OTULINL: variants seen among roughly 807,000 people sequenced by gnomAD.
OTULINL encodes the protein OTU deubiquitinase with linear linkage specificity like, also known as inactive ubiquitin thioesterase OTULINL.
Under a neutral mutation model 43.9 loss-of-function variants are expected in OTULINL, and 42 were observed. The observed-to-expected ratio is 0.96, with a 90% confidence interval of 0.75 to 1.24. OTULINL has a LOEUF of 1.24. Among genes scored for constraint, OTULINL ranks in the 50% most tolerant of loss-of-function variants. The probability of loss-of-function intolerance (pLI) is 0.00; values close to 1 mark genes in which losing one functional copy is unlikely to be tolerated. For synonymous variants in OTULINL, 172 were observed against 153.6 expected (o/e 1.12, Z -0.88); for missense variants, 411 against 426.4 (o/e 0.96, Z 0.32).
At chr5:14,586,053 C>T (rs1759097394) in intron 1 of OTULINL, among the ~76,000 whole-genome samples, 1 of 152,222 alleles carries the variant, frequency 6.6e-6, no homozygotes, top group African/African-American at 2.4e-5. Context: ...GTTCCCCATA[C>T]ATGGCTATTA....
At chr5:14,593,846 G>A (rs1759244541) in intron 1 of OTULINL, among the ~76,000 whole-genome samples, 3 of 152,202 alleles carry the variant, frequency 2.0e-5, no homozygotes, top group Non-Finnish European at 4.4e-5. Flanking sequence ...CTTGGGGGCA[G>A]TGTGCCCCAT....
intron 1 of OTULINL, among the ~76,000 whole-genome samples, chr5:14,593,008 T>C (rs970308922): frequency 1.3e-5 from 2 of 152,320 alleles, no homozygotes; most frequent in African/African-American, 4.8e-5. Flanking sequence ...CCTGCATTCC[T>C]TTCCTCTGGA....
chr5:14,596,453 A>T (rs968118464), intron 1 of OTULINL, among the ~76,000 whole-genome samples: 5 of 152,318 alleles, frequency 3.3e-5, no homozygotes, highest in Admixed American at 3.3e-4. Flanking sequence ...AACTGTCATT[A>T]TGACACTGTT....
rs200034784 is a variant in OTULINL at position 14,611,705 on chromosome 5, GTTT to G, written c.*1399_*1401del. The G allele has an allele frequency of 6.7e-6, 1 of 148,400 alleles. No individual in the cohort carries two copies. Among genetic ancestry groups the G allele is most frequent in the South Asian group, 2.1e-4 (1 of 4,682 alleles). The allele number at this position is 148,400 out of a possible 1,614,324, so 9.2% of individuals were successfully genotyped here. ...AATACTTTTCTAGTTTAATTTGATA[GTTT>G]TTTTTTTGGAGGTACTTTGCTAGTC... On this transcript the variant is annotated 3_prime_UTR_variant, in exon 8 of 8. Coordinates refer to ENST00000274217, the MANE Select transcript of OTULINL (RefSeq NM_019018.3).
At chr5:14,590,708 T>C (rs1313721142) in intron 1 of OTULINL, among the ~76,000 whole-genome samples, 1 of 152,204 alleles carries the variant, frequency 6.6e-6, no homozygotes, top group East Asian at 1.9e-4. Context: ...GGTTGAGTTG[T>C]GGCTTTATAA....
intron 2 of OTULINL, 44 bp downstream of exon 2, chr5:14,601,168 A>G (rs1251802329): frequency 3.1e-6 from 5 of 1,612,158 alleles, no homozygotes; most frequent in Middle Eastern, 1.6e-4. Flanking sequence ...TATCTTTACT[A>G]TTCAAAGCAG....
rs1759504590 is a variant in OTULINL at position 14,607,564 on chromosome 5, A to G, written c.627+106A>G. 1.0e-5 allele frequency: 14 copies of G among 1,379,440 alleles called. No homozygotes were observed. In the South Asian group the frequency reaches 1.8e-4, roughly 17 times the overall value. The allele number at this position is 1,379,440 out of a possible 1,614,324, so 85.5% of individuals were successfully genotyped here. ...GACATTGCTTCATGTTAGGAAAGTA[A>G]GAAGTGCAAGCAGAAATGCTTCTAG... On this transcript the variant is annotated intron_variant, in intron 6 of 7. Coordinates refer to ENST00000274217, the MANE Select transcript of OTULINL (RefSeq NM_019018.3).
At chr5:14,602,773 T>C (rs932757824) in intron 5 of OTULINL, among the ~76,000 whole-genome samples, 3 of 152,190 alleles carry the variant, frequency 2.0e-5, no homozygotes, top group African/African-American at 7.2e-5. Flanking sequence ...CAGTCCTCTG[T>C]CTCTCATGTC....
intron 1 of OTULINL, among the ~76,000 whole-genome samples, chr5:14,591,923 T>A (rs1045979832): frequency 1.3e-5 from 2 of 152,164 alleles, no homozygotes; most frequent in East Asian, 1.9e-4. Context: ...GAATACCACT[T>A]CCTGACATGT....
rs751669584 is a variant in OTULINL, at chr5:14,608,819, C to T, written c.699C>T (p.Ala233=). Reference sequence around the variant, plus strand: ...TGTGCAACACCCTTTTTTCAGATGCCATTCTGGAATATAAACTTTATGAAG... The same window carrying T: ...TGTGCAACACCCTTTTTTCAGATGCTATTCTGGAATATAAACTTTATGAAG... ...GSMCNTLFSD[A]ILEYKLYEAL... Residue 233 remains alanine, a synonymous_variant, in exon 7 of 8, where the codon GCC becomes GCT. Transcript: ENST00000274217. 5.0e-6 allele frequency: 8 copies of T among 1,613,096 alleles called. No individual in the cohort carries two copies. Among genetic ancestry groups the T allele is most frequent in the Non-Finnish European group, 6.8e-6 (8 of 1,179,382 alleles).
chr5:14,603,563 T>C (rs1759424522), intron 5 of OTULINL, among the ~76,000 whole-genome samples: 1 of 152,238 alleles, frequency 6.6e-6, no homozygotes, highest in Admixed American at 6.5e-5. Context: ...TTAGTGTGCA[T>C]TCCCCAATGA....
At chr5:14,590,169 A>G (rs944836226) in intron 1 of OTULINL, among the ~76,000 whole-genome samples, 3 of 152,210 alleles carry the variant, frequency 2.0e-5, no homozygotes, top group Non-Finnish European at 4.4e-5. Context: ...AACTTTGGAA[A>G]TTGATTGGCA....
intron 1 of OTULINL, among the ~76,000 whole-genome samples, chr5:14,597,240 T>C (rs1330539008): frequency 6.6e-6 from 1 of 152,198 alleles, no homozygotes; most frequent in Non-Finnish European, 1.5e-5. Context: ...TTACTTTCAG[T>C]CTCACAGCAG....
rs932679505 is a variant in OTULINL at position 14,581,805 on chromosome 5, G to T, written c.-90G>T. Reference sequence around the variant, plus strand: ...CCTCCCCAGCCCGCCTCAGGGAAGCGAGCCCGGGCGCCGGCGGGCGGCCGT... The same window carrying T: ...CCTCCCCAGCCCGCCTCAGGGAAGCTAGCCCGGGCGCCGGCGGGCGGCCGT... On this transcript the variant is annotated 5_prime_UTR_variant, in exon 1 of 8. Transcript: ENST00000274217. 2.7e-6 allele frequency: 3 copies of T among 1,100,666 alleles called. No homozygotes were observed. Among genetic ancestry groups the T allele is most frequent in the East Asian group, 7.0e-5 (2 of 28,522 alleles). 68.2% of individuals were successfully genotyped at this position (1,100,666 alleles called of 1,614,324 possible). A position where few individuals can be genotyped will look rare whatever the true frequency, so the allele number is the denominator to read the frequency against.
At chr5:14,586,024 A>G (rs1759097145) in intron 1 of OTULINL, among the ~76,000 whole-genome samples, 1 of 152,250 alleles carries the variant, frequency 6.6e-6, no homozygotes, top group South Asian at 2.1e-4. Flanking sequence ...TTACTGGGCT[A>G]AAACCTCCTA....
In OTULINL at chr5:14,608,788, G is replaced by GAACAC; in HGVS notation, c.670_671insCACAA (p.Ser224ThrfsTer22). ...GGCATTAGAGATTATCACAAGAGAG[G>GAACAC]AAGTATGTGCAACACCCTTTTTTCA... On this transcript the variant is annotated frameshift_variant, in exon 7 of 8. Coordinates refer to ENST00000274217, the MANE Select transcript of OTULINL (RefSeq NM_019018.3). LOFTEE classifies it high-confidence loss of function. 6.2e-7 allele frequency: 1 copy of GAACAC among 1,612,280 alleles called. No individual in the cohort carries two copies. Among genetic ancestry groups the GAACAC allele is most frequent in the Non-Finnish European group, 8.5e-7 (1 of 1,178,552 alleles).
chr5:14,585,069 T>C (rs1248231342), intron 1 of OTULINL, among the ~76,000 whole-genome samples: 2 of 152,164 alleles, frequency 1.3e-5, no homozygotes, highest in Non-Finnish European at 2.9e-5. Flanking sequence ...AAAAGTGTGC[T>C]GAGAATCGTG....
At chr5:14,605,077 T>A (rs545140119) in intron 5 of OTULINL, among the ~76,000 whole-genome samples, 14 of 152,312 alleles carry the variant, frequency 9.2e-5, no homozygotes, top group African/African-American at 3.1e-4. Context: ...AGGTTCTCCA[T>A]GAGTGCCCTT....
intron 1 of OTULINL, among the ~76,000 whole-genome samples, chr5:14,583,756 T>G: frequency 6.6e-6 from 1 of 152,144 alleles, no homozygotes; most frequent in East Asian, 1.9e-4. Context: ...GCCAGTGGTG[T>G]TTGGCAAAAC....
Sources: allele counts gnomAD v4.1 joint callset (sites outside exome capture counted in the v4.1 genomes callset), GRCh38; gene constraint gnomAD v4.1.1; transcripts MANE v1.5; gene names NCBI Gene and HGNC (gene_info 2026-07-23, HGNC 2026-07-21).